Variants in TET1 observed in about 807,000 individuals in gnomAD.
TET1 encodes the protein methylcytosine dioxygenase TET1.
In TET1, 13 loss-of-function variants were observed where a neutral mutation model predicts 148.7. That is an observed-to-expected ratio of 0.09 (90% CI 0.06 to 0.14). The LOEUF (loss-of-function observed/expected upper bound fraction) is 0.14. Among genes scored for constraint, TET1 ranks in the 10% least tolerant of loss-of-function variants. The pLI, the probability that TET1 is intolerant of heterozygous loss-of-function variation, is 1.00. For synonymous variants in TET1, 907 were observed against 937.2 expected (o/e 0.97, Z 0.59); for missense variants, 2,182 against 2,553.8 (o/e 0.85, Z 3.14).
intron 3 of TET1, among the ~76,000 whole-genome samples, chr10:68,631,122 G>A (rs1270264244): frequency 4.6e-5 from 7 of 152,200 alleles, no homozygotes; most frequent in Non-Finnish European, 5.9e-5. Flanking sequence ...GGTGCAGTGA[G>A]TTGTGATTCT....
intron 1 of TET1, among the ~76,000 whole-genome samples, chr10:68,564,072 C>T (rs1352023417): frequency 6.6e-6 from 1 of 152,028 alleles, no homozygotes; most frequent in African/African-American, 2.4e-5. Flanking sequence ...GGGTTATTAT[C>T]TCCTAGCCTA....
chr10:68,584,872 G>C (rs1414765723), intron 2 of TET1, among the ~76,000 whole-genome samples: 1 of 150,992 alleles, frequency 6.6e-6, no homozygotes, highest in African/African-American at 2.4e-5. Flanking sequence ...CCAGTCTGGA[G>C]TGCAGTGGTG....
intron 4 of TET1, among the ~76,000 whole-genome samples, chr10:68,647,792 G>T (rs796302716): frequency 6.6e-6 from 1 of 152,104 alleles, no homozygotes; most frequent in South Asian, 2.1e-4. Context: ...GGCAGTTGCC[G>T]TCCTACTCTA....
intron 2 of TET1, among the ~76,000 whole-genome samples, chr10:68,589,534 G>A (rs1564955926): frequency 6.6e-6 from 1 of 150,790 alleles, no homozygotes; most frequent in African/African-American, 2.4e-5. Context: ...GAACTCCTGG[G>A]CTCAAGTGAT....
At chr10:68,607,227 T>C (rs2054137129) in intron 3 of TET1, among the ~76,000 whole-genome samples, 1 of 152,144 alleles carries the variant, frequency 6.6e-6, no homozygotes, top group Admixed American at 6.6e-5. Context: ...ATATGCCTTG[T>C]ATCCTGAATA....
rs1169492294 is a variant in TET1 at position 68,657,176 on chromosome 10, AT to A, written c.4461+4590del. ...AACATAGTGAGACTCTACAAAAAAA[AT>A]TTTTTTTCTTTTTTTTTGAGAGGGA... On this transcript the variant is annotated intron_variant, in intron 6 of 11. Transcript: ENST00000373644. Among the ~76,000 whole-genome samples, 7 of 151,892 alleles carry A rather than the reference AT, an allele frequency of 4.6e-5. No individual in the cohort carries two copies. The East Asian group carries it at 1.2e-3, about 25-fold the overall frequency.
At chr10:68,671,000 G>GT (rs949275705) in intron 7 of TET1, among the ~76,000 whole-genome samples, 18 of 151,240 alleles carry the variant, frequency 1.2e-4, no homozygotes, top group East Asian at 3.9e-4. Context: ...TTCTTTTACT[G>GT]TTTTTTTTGT....
At chr10:68,576,451 C>T (rs181691707) in intron 2 of TET1, among the ~76,000 whole-genome samples, 1 of 152,008 alleles carries the variant, frequency 6.6e-6, no homozygotes, top group Admixed American at 6.6e-5. Context: ...CTGCTTGAGC[C>T]TAGGAGGTCG....
At chr10:68,688,839 A>C (rs1420937815) in intron 11 of TET1, among the ~76,000 whole-genome samples, 1 of 152,176 alleles carries the variant, frequency 6.6e-6, no homozygotes, top group African/African-American at 2.4e-5. Flanking sequence ...AGAAGGAAAA[A>C]AAAATCATGA....
Position 68,586,030 on chromosome 10 carries a change from G to T in TET1, c.1914+11778G>T, listed in dbSNP as rs1423012909. Among the ~76,000 whole-genome samples, 38 of 148,208 alleles carry T rather than the reference G, an allele frequency of 2.6e-4. No homozygotes were observed. The Admixed American group carries it at 2.6e-3, about 10-fold the overall frequency. The stretch of plus-strand genomic sequence containing the variant: ...AAAAAAAAAAAAAAAATTTTTTTTT[G>T]AGATAGAGTTGTTCTGTCCCCAGGC... On this transcript the variant is annotated intron_variant, in intron 2 of 11. Coordinates refer to ENST00000373644, the MANE Select transcript of TET1 (RefSeq NM_030625.3).
rs1589108102 is a variant in TET1, at chr10:68,645,655, A to G, written c.2926A>G (p.Thr976Ala). The G allele has an allele frequency of 6.2e-7, 1 of 1,614,206 alleles. No homozygotes were observed. Among genetic ancestry groups the G allele is most frequent in the South Asian group, 1.1e-5 (1 of 91,088 alleles). The change falls in exon 4 of 12, where the codon ACC becomes GCC. Residue 976 changes from threonine (T) to alanine (A), a missense_variant. By Grantham distance (58) the Thr-to-Ala change is moderately conservative. Transcript: ENST00000373644. ...GGTGGTTTTCAATGGGCAAACTACT[A>G]CCCTTTCCAACTCACATATCAACTC... ...NTVVFNGQTT[T>A]LSNSHINSAT...
chr10:68,635,332 A>G (rs2133044252), intron 3 of TET1, among the ~76,000 whole-genome samples: 1 of 152,074 alleles, frequency 6.6e-6, no homozygotes, highest in Non-Finnish European at 1.5e-5. Context: ...GGTGTCTCAC[A>G]CCTGTAATCC....
intron 8 of TET1, chr10:68,674,744 A>T (rs1458879956): frequency 2.0e-6 from 1 of 492,512 alleles, no homozygotes; most frequent in Non-Finnish European, 4.0e-6. Context: ...TGGTTTTACT[A>T]AAAAATGCAA....
intron 1 of TET1, among the ~76,000 whole-genome samples, chr10:68,561,882 A>G: frequency 6.6e-6 from 1 of 152,040 alleles, no homozygotes; most frequent in East Asian, 1.9e-4. Flanking sequence ...CCAAAAGAAC[A>G]CTTAAAGCTT....
At position 68,673,633 on chromosome 10, in the gene TET1, A is replaced by G. The variant is rs190500029; in HGVS notation, c.4824+588A>G. 9.2e-5 allele frequency: 15 copies of G among 163,260 alleles called. No homozygotes were observed. In the East Asian group the frequency reaches 2.6e-3, roughly 28 times the overall value. 10.1% of individuals were successfully genotyped at this position (163,260 alleles called of 1,614,324 possible). On this transcript the variant is annotated intron_variant, in intron 8 of 11. Coordinates refer to ENST00000373644, the MANE Select transcript of TET1 (RefSeq NM_030625.3). ...AGGCAGTGGGAGGGGGTGGGGCACC[A>G]ATAGGAACTAAGTATTCTAATGTGT... is the stretch of plus-strand genomic sequence containing the variant.
chr10:68,686,336 C>A lies in TET1; in HGVS notation c.5053-20C>A. 6.4e-7 allele frequency: 1 copy of A among 1,559,216 alleles called. No individual in the cohort carries two copies. Among genetic ancestry groups the A allele is most frequent in the South Asian group, 1.2e-5 (1 of 83,280 alleles). ...CACGACCCGTATATCTTTCCCATTTCATGTTTTTCTCCCTATCAGGTTTGT... is the reference window on the plus strand; with the variant it reads ...CACGACCCGTATATCTTTCCCATTTAATGTTTTTCTCCCTATCAGGTTTGT... On this transcript the variant is annotated intron_variant, in intron 10 of 11. Transcript: ENST00000373644.
rs201984389 is a variant in TET1 at position 68,574,659 on chromosome 10, A to G, written c.1914+407A>G. Among the ~76,000 whole-genome samples, 9 of 152,340 alleles carry G rather than the reference A, an allele frequency of 5.9e-5. No individual in the cohort carries two copies. In the East Asian group the frequency reaches 1.7e-3, roughly 29 times the overall value. On this transcript the variant is annotated intron_variant, in intron 2 of 11. Coordinates refer to ENST00000373644, the MANE Select transcript of TET1 (RefSeq NM_030625.3). ...AGAGTGGAACAAATTCATTAACTCC[A>G]TAGCAGCCTGAAAAACCAGAGGAAT...
At chr10:68,592,781 G>A (rs961650841) in intron 2 of TET1, among the ~76,000 whole-genome samples, 3 of 152,060 alleles carry the variant, frequency 2.0e-5, no homozygotes, top group Non-Finnish European at 4.4e-5. Context: ...CCCCTGGGAA[G>A]CCTCCTCTGG....
intron 8 of TET1, among the ~76,000 whole-genome samples, chr10:68,679,299 G>T (rs1282437476): frequency 6.6e-6 from 1 of 152,200 alleles, no homozygotes; most frequent in African/African-American, 2.4e-5. Flanking sequence ...GAGGTAATTT[G>T]AGATGACCTG....
Sources: allele counts gnomAD v4.1 joint callset (sites outside exome capture counted in the v4.1 genomes callset), GRCh38; gene constraint gnomAD v4.1.1; transcripts MANE v1.5; gene names NCBI Gene and HGNC (gene_info 2026-07-23, HGNC 2026-07-21).